The following CNTLN variants were observed in gnomAD, a reference collection of about 807,000 sequenced individuals.
CNTLN encodes centlein, centrosomal protein.
In CNTLN, 212 loss-of-function variants were observed where a neutral mutation model predicts 180.0. That is an observed-to-expected ratio of 1.18 (90% CI 1.05 to 1.32). CNTLN has a LOEUF of 1.32. Among genes scored for constraint, CNTLN ranks in the 40% most tolerant of loss-of-function variants. The probability of loss-of-function intolerance (pLI) is 0.00; values close to 1 mark genes in which losing one functional copy is unlikely to be tolerated. For synonymous variants in CNTLN, 722 were observed against 563.1 expected (o/e 1.28, Z -3.99); for missense variants, 2,095 against 1,610.9 (o/e 1.30, Z -5.14).
Position 17,340,850 on chromosome 9 carries a change from A to T in CNTLN, c.1668A>T (p.Arg556Ser). 1 of 1,611,582 alleles carries T rather than the reference A, an allele frequency of 6.2e-7. No individual in the cohort carries two copies. Among genetic ancestry groups the T allele is most frequent in the Non-Finnish European group, 8.5e-7 (1 of 1,178,630 alleles). ...AGAGCCAAGAAAATGATGAGCTAAG[A>T]GATGCCCATGAAAAACGCAAGGAAC... is the stretch of plus-strand genomic sequence containing the variant. ...QLKSQENDEL[R>S]DAHEKRKERL... Residue 556 changes from arginine (R) to serine (S), a missense_variant, in exon 11 of 26, where the codon AGA becomes AGT. Physicochemically the swap from Arg to Ser is moderately radical, Grantham distance 110 (BLOSUM62 -1). Coordinates refer to ENST00000380647, the MANE Select transcript of CNTLN (RefSeq NM_017738.4).
Position 17,391,197 on chromosome 9 carries a change from G to T in CNTLN, c.2079+2944G>T, listed in dbSNP as rs140091192. Reference sequence around the variant, plus strand: ...GCTAAGGAGGGGCAAACCAAGCAAGGCCTGTCTGCTCAGATTCTTCTTGCC... The same window carrying T: ...GCTAAGGAGGGGCAAACCAAGCAAGTCCTGTCTGCTCAGATTCTTCTTGCC... On this transcript the variant is annotated intron_variant, in intron 14 of 25. Transcript: ENST00000380647. Among the ~76,000 whole-genome samples the T allele has an allele frequency of 2.6e-3, 389 of 152,262 alleles. 5 individuals are homozygous for T. The highest frequency in any genetic ancestry group is 9.0e-3 in the African/African-American group (372 of 41,554).
intron 2 of CNTLN, among the ~76,000 whole-genome samples, chr9:17,196,533 A>C (rs1194634944): frequency 6.6e-6 from 1 of 152,080 alleles, no homozygotes; most frequent in East Asian, 1.9e-4. Context: ...CTTTATTAGG[A>C]GTTATGTAAG....
At chr9:17,348,790 A>G (rs531948461) in intron 12 of CNTLN, among the ~76,000 whole-genome samples, 60 of 152,134 alleles carry the variant, frequency 3.9e-4, no homozygotes, top group African/African-American at 1.3e-3. Flanking sequence ...TTGGCCTCCC[A>G]AAGTGCTGGG....
At chr9:17,499,140 T>A (rs1003526263) in intron 25 of CNTLN, among the ~76,000 whole-genome samples, 1 of 152,180 alleles carries the variant, frequency 6.6e-6, no homozygotes, top group African/African-American at 2.4e-5. Flanking sequence ...TTTAAAGTGC[T>A]TTCCAAGGCA....
intron 18 of CNTLN, among the ~76,000 whole-genome samples, chr9:17,429,403 G>C (rs745399966): frequency 1.2e-4 from 18 of 152,014 alleles, no homozygotes; most frequent in Non-Finnish European, 2.4e-4. Flanking sequence ...GTTGCTTAAA[G>C]TACCCATGGG....
intron 7 of CNTLN, chr9:17,301,012 G>GT (rs1818306444): frequency 1.0e-6 from 1 of 984,610 alleles, no homozygotes; most frequent in Non-Finnish European, 1.2e-6. Context: ...GATGTATGTT[G>GT]TAATAGTAGT....
At chr9:17,397,570 G>T (rs927519740) in intron 15 of CNTLN, among the ~76,000 whole-genome samples, 1 of 152,130 alleles carries the variant, frequency 6.6e-6, no homozygotes, top group South Asian at 2.1e-4. Context: ...TTTACTGCAG[G>T]CTGTTTCATC....
At chr9:17,512,491 G>A in the CNTLN span, among the ~76,000 whole-genome samples, 1 of 152,128 alleles carries the variant, frequency 6.6e-6, no homozygotes, top group Non-Finnish European at 1.5e-5. Flanking sequence ...CATAAAGATG[G>A]AAACAGTCGA....
intron 12 of CNTLN, among the ~76,000 whole-genome samples, chr9:17,345,279 G>A (rs1821791791): frequency 6.6e-6 from 1 of 151,974 alleles, no homozygotes. Flanking sequence ...CTTTTGAATG[G>A]CAAAAGTTTT....
chr9:17,506,474 G>A (rs1328337855), downstream of CNTLN, among the ~76,000 whole-genome samples: 1 of 152,088 alleles, frequency 6.6e-6, no homozygotes, highest in Non-Finnish European at 1.5e-5. Context: ...TGGGGCTATG[G>A]CTGCTATAAG....
At chr9:17,300,287 G>T (rs1200305213) in intron 7 of CNTLN, 3 of 151,994 alleles carry the variant, frequency 2.0e-5, no homozygotes, top group Non-Finnish European at 4.4e-5. Context: ...CAGATTTTTT[G>T]ATTTGTATGC....
chr9:17,171,375 CA>C (rs141513952), intron 2 of CNTLN, among the ~76,000 whole-genome samples: 2,896 of 152,228 alleles, frequency 0.019, 59 homozygotes, highest in African/African-American at 0.05. Context: ...GCCATGGTTC[CA>C]AGCTTTGGTG....
At chr9:17,417,596 A>G (rs755298279) in intron 18 of CNTLN, among the ~76,000 whole-genome samples, 20 of 152,088 alleles carry the variant, frequency 1.3e-4, no homozygotes, top group Non-Finnish European at 2.8e-4. Flanking sequence ...GGAAAATTAT[A>G]AAAGATTAGA....
chr9:17,196,998 A>G (rs963366041), intron 2 of CNTLN, among the ~76,000 whole-genome samples: 1 of 152,172 alleles, frequency 6.6e-6, no homozygotes, highest in Non-Finnish European at 1.5e-5. Flanking sequence ...CCGTTCCACT[A>G]CATTTCCCAG....
At chr9:17,511,223 T>C in the CNTLN span, among the ~76,000 whole-genome samples, 1 of 152,192 alleles carries the variant, frequency 6.6e-6, no homozygotes, top group South Asian at 2.1e-4. Flanking sequence ...TTGATGGGAA[T>C]TGGATCAGAC....
intron 23 of CNTLN, among the ~76,000 whole-genome samples, chr9:17,474,216 AT>A (rs1185043807): frequency 6.6e-6 from 1 of 151,996 alleles, no homozygotes; most frequent in African/African-American, 2.4e-5. Flanking sequence ...CCTAGTTGTG[AT>A]TTTCACTTGG....
At chr9:17,155,866 G>C (rs146441957) in intron 2 of CNTLN, among the ~76,000 whole-genome samples, 222 of 152,282 alleles carry the variant, frequency 1.5e-3, no homozygotes, top group African/African-American at 4.8e-3. Context: ...GGGCCCTGGT[G>C]GGGTAGGCAC....
intron 23 of CNTLN, among the ~76,000 whole-genome samples, chr9:17,472,281 A>T (rs1259166322): frequency 1.3e-5 from 2 of 152,072 alleles, no homozygotes; most frequent in East Asian, 3.9e-4. Context: ...TTCTGTTGGG[A>T]TGAGTAAGAT....
chr9:17,394,421 A>T, intron 14 of CNTLN, 113 bp from the exon 15 acceptor site: 1 of 873,378 alleles, frequency 1.1e-6, no homozygotes, highest in Non-Finnish European at 1.7e-6. Context: ...AGTACTTTAT[A>T]TTTATTTTGT....
Sources: allele counts gnomAD v4.1 joint callset (sites outside exome capture counted in the v4.1 genomes callset), GRCh38; gene constraint gnomAD v4.1.1; transcripts MANE v1.5; gene names NCBI Gene and HGNC (gene_info 2026-07-23, HGNC 2026-07-21).